STK32B: variants seen among roughly 807,000 people sequenced by gnomAD.
The protein encoded by STK32B is serine/threonine-protein kinase 32B.
Under a neutral mutation model 52.6 loss-of-function variants are expected in STK32B, and 43 were observed. The observed-to-expected ratio is 0.82, with a 90% CI of 0.64 to 1.05. The LOEUF is 1.05. STK32B is among the 50% of genes least tolerant of loss of function. STK32B has a pLI of 0.00. For synonymous variants in STK32B, 238 were observed against 204.3 expected (o/e 1.17, Z -1.41); for missense variants, 621 against 534.6 (o/e 1.16, Z -1.59).
chr4:5,216,166 G>A (rs1361012199), intron 3 of STK32B, among the ~76,000 whole-genome samples: 1 of 152,184 alleles, frequency 6.6e-6, no homozygotes, highest in Non-Finnish European at 1.5e-5. Context: ...CCGCACCTCA[G>A]AGTTCCTGAT....
At chr4:5,447,238 G>A (rs901990956) in intron 7 of STK32B, 25 of 154,584 alleles carry the variant, frequency 1.6e-4, no homozygotes, top group African/African-American at 4.3e-4. Context: ...CAATCAATAC[G>A]TATTTGTATT....
At chr4:5,230,791 A>G (rs1455645430) in intron 3 of STK32B, among the ~76,000 whole-genome samples, 2 of 152,212 alleles carry the variant, frequency 1.3e-5, no homozygotes, top group Non-Finnish European at 2.9e-5. Flanking sequence ...TGCTACCGTT[A>G]CAGAGGGGAG....
chr4:5,354,423 A>G (rs548752867), intron 4 of STK32B, among the ~76,000 whole-genome samples: 1 of 152,282 alleles, frequency 6.6e-6, no homozygotes, highest in Non-Finnish European at 1.5e-5. Flanking sequence ...ATGCCACCAC[A>G]TCCAGCTAAT....
chr4:5,427,010 T>C (rs1490274325), intron 6 of STK32B: 1 of 152,196 alleles, frequency 6.6e-6, no homozygotes, highest in East Asian at 1.9e-4. Context: ...AAAGCTGAAG[T>C]TTTAAATTAT....
At chr4:5,075,864 G>T (rs1310171222) in intron 1 of STK32B, among the ~76,000 whole-genome samples, 2 of 152,074 alleles carry the variant, frequency 1.3e-5, no homozygotes, top group East Asian at 3.9e-4. Flanking sequence ...ACCTTGCACA[G>T]TGCAGGGGTC....
chr4:5,308,726 T>A (rs6446352), intron 3 of STK32B, among the ~76,000 whole-genome samples: 19,464 of 152,090 alleles, frequency 0.13, 2,701 homozygotes, highest in African/African-American at 0.36. Flanking sequence ...GAATATTTGT[T>A]TAATAAATTA....
chr4:5,208,748 A>G (rs144846128), intron 3 of STK32B, among the ~76,000 whole-genome samples: 25 of 152,292 alleles, frequency 1.6e-4, no homozygotes, highest in Admixed American at 3.3e-4. Flanking sequence ...GAAGAATTCA[A>G]TGATCGCCCC....
intron 2 of STK32B, among the ~76,000 whole-genome samples, chr4:5,141,607 G>A (rs1716458339): frequency 6.6e-6 from 1 of 152,194 alleles, no homozygotes; most frequent in South Asian, 2.1e-4. Context: ...GAATAGCCTG[G>A]GAGGGGCCAC....
chr4:5,424,338 G>A (rs1709836699), intron 6 of STK32B, among the ~76,000 whole-genome samples: 1 of 152,182 alleles, frequency 6.6e-6, no homozygotes, highest in Non-Finnish European at 1.5e-5. Flanking sequence ...TCCCCATGAA[G>A]CCCCACTTTC....
At chr4:5,495,660 T>G (rs1211443213) in intron 11 of STK32B, among the ~76,000 whole-genome samples, 1 of 152,206 alleles carries the variant, frequency 6.6e-6, no homozygotes, top group Non-Finnish European at 1.5e-5. Context: ...CTCTGCTTTT[T>G]AGAGTTTCCA....
At chr4:5,064,375 T>TATAATATATAAATATATACTTATATAC (rs1742330810) in intron 1 of STK32B, among the ~76,000 whole-genome samples, 2 of 93,024 alleles carry the variant, frequency 2.1e-5, no homozygotes, top group African/African-American at 6.9e-5. Flanking sequence ...CTTATATACA[T>TATAATATATAAATATATACTTATATAC]ATATAATATA....
chr4:5,294,216 T>C (rs1250020221), intron 3 of STK32B, among the ~76,000 whole-genome samples: 1 of 152,196 alleles, frequency 6.6e-6, no homozygotes, highest in Non-Finnish European at 1.5e-5. Flanking sequence ...TGAAGTCAGA[T>C]AGCATGATGC....
At chr4:5,492,549 T>G (rs559466900) in intron 11 of STK32B, among the ~76,000 whole-genome samples, 4 of 151,634 alleles carry the variant, frequency 2.6e-5, no homozygotes, top group Admixed American at 6.6e-5. Flanking sequence ...CCTCTTTTCC[T>G]AATTGAATAC....
intron 6 of STK32B, 121 bp from the exon 7 acceptor site, chr4:5,446,552 A>C: frequency 7.5e-6 from 6 of 802,390 alleles, no homozygotes; most frequent in East Asian, 2.8e-5. Context: ...GCAAAACTCT[A>C]TCTCAAAAAA....
At chr4:5,477,184 C>T (rs140204563) in intron 11 of STK32B, among the ~76,000 whole-genome samples, 1 of 152,220 alleles carries the variant, frequency 6.6e-6, no homozygotes, top group Non-Finnish European at 1.5e-5. Context: ...AAAATTCAAA[C>T]AAAACGTTAA....
intron 3 of STK32B, among the ~76,000 whole-genome samples, chr4:5,318,442 A>C (rs1731262666): frequency 6.6e-6 from 1 of 152,156 alleles, no homozygotes. Flanking sequence ...GAACAGAAAG[A>C]AGAATGAAAG....
intron 3 of STK32B, among the ~76,000 whole-genome samples, chr4:5,286,336 G>T (rs1728540354): frequency 6.6e-6 from 1 of 152,142 alleles, no homozygotes; most frequent in African/African-American, 2.4e-5. Context: ...TAAGTTTTAT[G>T]GAAGTATAAG....
intron 3 of STK32B, among the ~76,000 whole-genome samples, chr4:5,285,423 T>C (rs1380966354): frequency 6.6e-6 from 1 of 152,182 alleles, no homozygotes. Flanking sequence ...AAAACCTATG[T>C]GTAGCCTATT....
chr4:5,175,843 A>G (rs554789012), intron 3 of STK32B, among the ~76,000 whole-genome samples: 232 of 152,378 alleles, frequency 1.5e-3, no homozygotes, highest in African/African-American at 5.4e-3. Flanking sequence ...AGACAGGGAC[A>G]TTTAAGTCTG....
Sources: gnomAD v4.1 joint callset for allele counts (sites outside exome capture counted in the v4.1 genomes callset) on GRCh38, gnomAD v4.1.1 for gene constraint, MANE v1.5 for transcripts, NCBI Gene and HGNC (gene_info 2026-07-23, HGNC 2026-07-21) for gene names.